Variants in NRG3 observed in about 807,000 individuals in gnomAD.
NRG3 encodes neuregulin 3, also known as pro-neuregulin-3, membrane-bound isoform.
A neutral mutation model predicts 66.9 loss-of-function variants in NRG3; 31 were observed. The ratio of observed to expected loss-of-function variants is 0.46; its 90% CI spans 0.35 to 0.63. NRG3 has a LOEUF of 0.63. NRG3 is among the 20% of genes least tolerant of loss of function. NRG3 has a pLI of 0.00. For missense variants in NRG3, 910 were observed against 878.9 expected (o/e 1.04, Z -0.45); for synonymous variants, 393 against 359.4 (o/e 1.09, Z -1.06).
At chr10:82,132,693 C>T (rs1437288665) in intron 1 of NRG3, among the ~76,000 whole-genome samples, 5 of 150,370 alleles carry the variant, frequency 3.3e-5, no homozygotes, top group Non-Finnish European at 5.9e-5. Context: ...GCGGTGAAGC[C>T]GTCTGGTCTT....
intron 1 of NRG3, among the ~76,000 whole-genome samples, chr10:82,018,368 T>G (rs2061889547): frequency 6.6e-6 from 1 of 152,202 alleles, no homozygotes; most frequent in Admixed American, 6.5e-5. Flanking sequence ...TCAGGTAGTG[T>G]GATGCCTCCA....
chr10:82,560,335 T>A (rs2044953514), intron 2 of NRG3, among the ~76,000 whole-genome samples: 1 of 151,672 alleles, frequency 6.6e-6, no homozygotes, highest in African/African-American at 2.4e-5. Context: ...ATGTCATTAC[T>A]TAAGTTCAGG....
intron 1 of NRG3, among the ~76,000 whole-genome samples, chr10:82,008,720 T>C (rs1343260827): frequency 2.0e-5 from 3 of 152,136 alleles, no homozygotes; most frequent in South Asian, 4.1e-4. Flanking sequence ...TTGGTACCCA[T>C]GAGGAACACA....
At chr10:82,148,998 C>T (rs571544455) in intron 1 of NRG3, among the ~76,000 whole-genome samples, 1 of 152,092 alleles carries the variant, frequency 6.6e-6, no homozygotes, top group East Asian at 1.9e-4. Flanking sequence ...AGACTGTCTA[C>T]CCGGAATCAA....
At chr10:82,606,010 C>T (rs1478291555) in intron 2 of NRG3, among the ~76,000 whole-genome samples, 1 of 151,978 alleles carries the variant, frequency 6.6e-6, no homozygotes, top group Admixed American at 6.6e-5. Context: ...CTGTTGATTT[C>T]CCATTGTCAC....
At chr10:82,964,404 CT>C (rs564452825) in intron 6 of NRG3, among the ~76,000 whole-genome samples, 2 of 152,136 alleles carry the variant, frequency 1.3e-5, no homozygotes, top group Non-Finnish European at 2.9e-5. Context: ...AAGAATCCCC[CT>C]GGTGAAGTGG....
chr10:82,526,409 T>G (rs936764663), intron 2 of NRG3, among the ~76,000 whole-genome samples: 4 of 151,746 alleles, frequency 2.6e-5, no homozygotes, highest in Admixed American at 6.6e-5. Context: ...TACAATGAAA[T>G]TAAATGCAAA....
intron 3 of NRG3, among the ~76,000 whole-genome samples, chr10:82,785,523 T>C (rs942891511): frequency 6.6e-6 from 1 of 152,056 alleles, no homozygotes; most frequent in African/African-American, 2.4e-5. Context: ...TAGTTGTAAA[T>C]TAGGAATAGG....
At chr10:82,973,562 A>G (rs1193713143) in intron 6 of NRG3, among the ~76,000 whole-genome samples, 1 of 152,142 alleles carries the variant, frequency 6.6e-6, no homozygotes, top group East Asian at 1.9e-4. Flanking sequence ...TGACATGAAG[A>G]ACCCTCTTCA....
rs1853381251 is a variant in NRG3 at position 82,985,652 on chromosome 10, A to G, written c.*47A>G. 6.4e-7 allele frequency: 1 copy of G among 1,553,416 alleles called. No homozygotes were observed. The highest frequency in any genetic ancestry group is 1.2e-5 in the South Asian group (1 of 83,020). ...CATTCTATGCTTTGCTCAACAGGAA[A>G]GAGAGGAAATCAAATACAAATTATT... On this transcript the variant is annotated 3_prime_UTR_variant, in exon 9 of 9. Transcript: ENST00000372141.
chr10:82,706,085 C>A (rs985815818), intron 2 of NRG3, among the ~76,000 whole-genome samples: 2 of 152,042 alleles, frequency 1.3e-5, no homozygotes, highest in Non-Finnish European at 2.9e-5. Context: ...GATCAACCAC[C>A]CACTCCCTTT....
chr10:82,581,309 A>G (rs1590753721), intron 2 of NRG3, among the ~76,000 whole-genome samples: 1 of 152,016 alleles, frequency 6.6e-6, no homozygotes, highest in African/African-American at 2.4e-5. Context: ...AGTTTAAAAA[A>G]TTCCTTATAT....
intron 1 of NRG3, among the ~76,000 whole-genome samples, chr10:82,048,305 A>G (rs1050316955): frequency 2.6e-5 from 4 of 151,416 alleles, no homozygotes; most frequent in Non-Finnish European, 4.4e-5. Flanking sequence ...CATTTTTTTC[A>G]GCACCACACC....
At chr10:81,990,389 G>A (rs1699443860) in intron 1 of NRG3, among the ~76,000 whole-genome samples, 1 of 152,094 alleles carries the variant, frequency 6.6e-6, no homozygotes, top group Non-Finnish European at 1.5e-5. Flanking sequence ...GTTCATTTAT[G>A]AAGTCATCTG....
At chr10:82,261,880 G>A (rs570855001) in intron 1 of NRG3, among the ~76,000 whole-genome samples, 5 of 152,134 alleles carry the variant, frequency 3.3e-5, no homozygotes, top group African/African-American at 1.2e-4. Context: ...TGGCCATCAC[G>A]AACATGTCAC....
At chr10:82,405,673 G>A (rs1382772498) in intron 2 of NRG3, among the ~76,000 whole-genome samples, 1 of 151,962 alleles carries the variant, frequency 6.6e-6, no homozygotes, top group Non-Finnish European at 1.5e-5. Context: ...TTGCCATGTC[G>A]GCCAGACTGG....
chr10:82,982,290 A>G (rs1335252683), intron 8 of NRG3, among the ~76,000 whole-genome samples: 1 of 152,182 alleles, frequency 6.6e-6, no homozygotes, highest in Non-Finnish European at 1.5e-5. Context: ...GAACCAAACC[A>G]AGTGACTAAT....
At chr10:82,058,978 C>T (rs1369253490) in intron 1 of NRG3, among the ~76,000 whole-genome samples, 2 of 152,062 alleles carry the variant, frequency 1.3e-5, no homozygotes, top group Admixed American at 6.6e-5. Context: ...GGAGAAGGAG[C>T]AAGAAAGTCA....
At chr10:82,810,965 A>T (rs2061469865) in intron 3 of NRG3, among the ~76,000 whole-genome samples, 2 of 152,162 alleles carry the variant, frequency 1.3e-5, no homozygotes, top group African/African-American at 2.4e-5. Flanking sequence ...CTGCCCTACT[A>T]TGGAGAGGTG....
Sources: allele counts gnomAD v4.1 joint callset (sites outside exome capture counted in the v4.1 genomes callset), GRCh38; gene constraint gnomAD v4.1.1; transcripts MANE v1.5; gene names NCBI Gene and HGNC (gene_info 2026-07-23, HGNC 2026-07-21).